Variants in SPAG17 observed in about 807,000 individuals in gnomAD.
SPAG17 encodes sperm-associated antigen 17.
Under a neutral mutation model 273.6 loss-of-function variants are expected in SPAG17, and 169 were observed. The ratio of observed to expected loss-of-function variants is 0.62; its 90% confidence interval spans 0.55 to 0.70. The LOEUF is 0.70. SPAG17 is among the 30% of genes least tolerant of loss of function. The pLI is 0.00. For synonymous variants in SPAG17, 825 were observed against 873.2 expected (o/e 0.94, Z 0.97); for missense variants, 2,557 against 2,627.8 (o/e 0.97, Z 0.59).
chr1:117,993,546 A>T (rs1472623260), intron 35 of SPAG17, among the ~76,000 whole-genome samples: 2 of 152,170 alleles, frequency 1.3e-5, no homozygotes, highest in Non-Finnish European at 2.9e-5. Flanking sequence ...CCAGAATTCA[A>T]GTCACCTTCA....
chr1:117,959,442 A>T, intron 48 of SPAG17: 1 of 1,602,402 alleles, frequency 6.2e-7, no homozygotes, highest in Non-Finnish European at 8.5e-7. Flanking sequence ...TCTAACGTTG[A>T]CTTAGAACTG....
At chr1:118,145,795 T>C (rs1398216394) in intron 3 of SPAG17, among the ~76,000 whole-genome samples, 1 of 152,172 alleles carries the variant, frequency 6.6e-6, no homozygotes. Flanking sequence ...AAGTTCTTTA[T>C]TGTACAGAAA....
At chr1:117,978,444 C>T (rs1040091364) in intron 43 of SPAG17, among the ~76,000 whole-genome samples, 2 of 152,162 alleles carry the variant, frequency 1.3e-5, no homozygotes, top group Admixed American at 1.3e-4. Flanking sequence ...TGGTCTTGCA[C>T]CTTAGGTGCC....
At chr1:118,137,359 T>A (rs1658423149) in intron 3 of SPAG17, among the ~76,000 whole-genome samples, 1 of 152,202 alleles carries the variant, frequency 6.6e-6, no homozygotes, top group Non-Finnish European at 1.5e-5. Flanking sequence ...GAATTTCTGA[T>A]AAAGGCTCAT....
At chr1:118,009,903 T>TTTTTCAGTGTTAAAATAGA (rs1659296166) in intron 30 of SPAG17, among the ~76,000 whole-genome samples, 1 of 152,018 alleles carries the variant, frequency 6.6e-6, no homozygotes, top group Non-Finnish European at 1.5e-5. Context: ...GGCAATAGAA[T>TTTTTCAGTGTTAAAATAGA]ACTATTCAGT....
Position 118,171,350 on chromosome 1 carries a change from A to G in SPAG17, c.87+13721T>C, listed in dbSNP as rs193064810. Among the ~76,000 whole-genome samples, 446 of 152,274 alleles carry G rather than the reference A, an allele frequency of 2.9e-3. 1 individual carries two copies. Among genetic ancestry groups the G allele is most frequent in the Non-Finnish European group, 5.0e-3 (343 of 68,030 alleles). ...GGCTGGCACAACCAGGGAATATGGC[A>G]TGCTTTCAAGTATCAGAAGGGCCAT... On this transcript the variant is annotated intron_variant, in intron 1 of 48. Coordinates refer to ENST00000336338, the MANE Select transcript of SPAG17 (RefSeq NM_206996.4).
rs768211246 is a variant in SPAG17 at position 117,959,343 on chromosome 1, G to A, written c.*4456C>T. On this transcript the variant is annotated intron_variant, in intron 48 of 48. Transcript: ENST00000336338. ...TCTTGATTATCTCAAGAGGGAATGC[G>A]AGGCAAAAAGTGAAGTTATGTTTTT... 8.3e-5 allele frequency: 134 copies of A among 1,613,626 alleles called. No individual in the cohort carries two copies. The highest frequency in any genetic ancestry group is 1.5e-4 in the Admixed American group (9 of 59,976).
chr1:118,155,093 C>T (rs909603478), intron 1 of SPAG17, among the ~76,000 whole-genome samples: 1 of 152,090 alleles, frequency 6.6e-6, no homozygotes, highest in Non-Finnish European at 1.5e-5. Flanking sequence ...GAGTCTCACC[C>T]CTCCTAGTGA....
intron 32 of SPAG17, among the ~76,000 whole-genome samples, chr1:117,998,386 G>A (rs1657897210): frequency 6.6e-6 from 1 of 152,068 alleles, no homozygotes; most frequent in Non-Finnish European, 1.5e-5. Flanking sequence ...TTTATATCTG[G>A]GCTCTCTATT....
chr1:117,963,031 T>C (rs1404235924), intron 48 of SPAG17: 1 of 152,196 alleles, frequency 6.6e-6, no homozygotes, highest in Non-Finnish European at 1.5e-5. Flanking sequence ...TTCTTAAAGG[T>C]AGTATCACCA....
rs370410326 is a variant in SPAG17, at chr1:117,973,707, A to T, written c.6005-146T>A. On this transcript the variant is annotated intron_variant, in intron 43 of 48. Transcript: ENST00000336338. ...GAGCTTATTTATTTATTTTTATTTT[A>T]ATTTCAATTTTTCTTTTAGATTTAC... is the stretch of plus-strand genomic sequence containing the variant. 1.3e-3 allele frequency: 988 copies of T among 738,928 alleles called. 14 individuals carry two copies. In the South Asian group the frequency reaches 0.023, roughly 17 times the overall value. 45.8% of individuals were successfully genotyped at this position (738,928 alleles called of 1,614,324 possible).
intron 32 of SPAG17, among the ~76,000 whole-genome samples, chr1:117,998,088 T>C (rs1315178648): frequency 6.6e-6 from 1 of 152,180 alleles, no homozygotes; most frequent in African/African-American, 2.4e-5. Context: ...TTTTTGCTTT[T>C]GTTGCAATTG....
chr1:118,049,674 C>A (rs1650776925), intron 20 of SPAG17, among the ~76,000 whole-genome samples: 1 of 152,096 alleles, frequency 6.6e-6, no homozygotes, highest in African/African-American at 2.4e-5. Context: ...AGAAAAGTAT[C>A]CTAAAATTTG....
rs74114950 is a variant in SPAG17 at position 117,973,558 on chromosome 1, G to A, written c.6008C>T (p.Ala2003Val). ...TENLTKSPEE[A>V]ESYEPVKIPT... ...AATTTTCACGGGCTCATAAGATTCT[G>A]CTTCTGTTAGAGAGAAAGCTTAAAT... The change falls in exon 44 of 49, where the codon GCA (alanine) becomes GTA (valine). Residue 2003 changes from alanine to valine, a missense_variant. Physicochemically the swap from Ala to Val is moderately conservative, Grantham distance 64. Coordinates refer to ENST00000336338, the MANE Select transcript of SPAG17 (RefSeq NM_206996.4). The A allele has an allele frequency of 1.9e-6, 3 of 1,613,208 alleles. No homozygotes were observed. The highest frequency in any genetic ancestry group is 1.1e-5 in the South Asian group (1 of 90,916).
chr1:118,073,916 G>A lies in SPAG17; in HGVS notation c.2323C>T (p.Gln775Ter). 1 of 1,575,576 alleles carries A rather than the reference G, an allele frequency of 6.3e-7. No homozygotes were observed. The highest frequency in any genetic ancestry group is 1.2e-5 in the South Asian group (1 of 84,350). The change falls in exon 17 of 49, where the codon CAG (glutamine) becomes TAG (stop). Residue 775 changes from glutamine to a stop codon, truncating the protein, a stop_gained. Transcript: ENST00000336338. LOFTEE classifies it high-confidence loss of function. ...CTCCAGTCCATTAGACTGCGCTGCT[G>A]TGTTTTCTTTATGTCCTCTAAATCT... The part of the protein sequence containing the change: ...EADLEDIKKT[Q>*]QRSLMDWSFT...
rs191099366 is a variant in SPAG17, at chr1:118,155,839, T to C, written c.88-4470A>G. ...CAGGGATTTGTGAATGTCTTTCTCA[T>C]ACCAGGTTTTTCCTTCAAAAAAAGT... On this transcript the variant is annotated intron_variant, in intron 1 of 48. Coordinates refer to ENST00000336338, the MANE Select transcript of SPAG17 (RefSeq NM_206996.4). Among the ~76,000 whole-genome samples, 301 of 152,356 alleles carry C rather than the reference T, an allele frequency of 2.0e-3. 3 individuals are homozygous for C. Among genetic ancestry groups the C allele is most frequent in the Non-Finnish European group, 3.9e-3 (267 of 68,034 alleles).
chr1:118,052,707 T>A (rs1351091604), intron 20 of SPAG17, among the ~76,000 whole-genome samples: 2 of 151,972 alleles, frequency 1.3e-5, no homozygotes, highest in African/African-American at 4.8e-5. Context: ...TAAAAATATG[T>A]TTTTAAAAGC....
At chr1:117,969,561 A>ATCAC (rs1430758058) in intron 46 of SPAG17, among the ~76,000 whole-genome samples, 5 of 152,218 alleles carry the variant, frequency 3.3e-5, no homozygotes, top group Non-Finnish European at 7.3e-5. Context: ...CCTGGGTGAC[A>ATCAC]GAGTGAGGCT....
At chr1:118,099,836 T>A in intron 5 of SPAG17, 36 bp from the exon 6 acceptor site, 1 of 1,589,786 alleles carries the variant, frequency 6.3e-7, no homozygotes, top group Non-Finnish European at 8.6e-7. Flanking sequence ...CAGCCATCAT[T>A]GTAAAAGAGA....
Sources: allele counts gnomAD v4.1 joint callset (sites outside exome capture counted in the v4.1 genomes callset), GRCh38; gene constraint gnomAD v4.1.1; transcripts MANE v1.5; gene names NCBI Gene and HGNC (gene_info 2026-07-23, HGNC 2026-07-21).